RABGAP1: variants seen among roughly 807,000 people sequenced by gnomAD.
The protein encoded by RABGAP1 is rab GTPase-activating protein 1.
In RABGAP1, 23 loss-of-function variants were observed where a neutral mutation model predicts 137.6. That is an observed-to-expected ratio of 0.17 (90% CI 0.12 to 0.24). The LOEUF (loss-of-function observed/expected upper bound fraction) is 0.24, where lower values mean the gene tolerates loss of function less well. RABGAP1 is among the 10% of genes least tolerant of loss of function. The probability of loss-of-function intolerance (pLI) is 1.00; values close to 1 mark genes in which losing one functional copy is unlikely to be tolerated. For synonymous variants in RABGAP1, 451 were observed against 450.7 expected (o/e 1.00, Z -0.01); for missense variants, 906 against 1,275.8 (o/e 0.71, Z 4.42).
chr9:122,982,779 T>G (rs1372351477), intron 2 of RABGAP1, among the ~76,000 whole-genome samples: 2 of 152,162 alleles, frequency 1.3e-5, no homozygotes, highest in Admixed American at 1.3e-4. Flanking sequence ...GCACTGCCTG[T>G]AGTCACAGTT....
chr9:122,971,175 A>G (rs1027045991), intron 2 of RABGAP1, among the ~76,000 whole-genome samples: 3 of 152,346 alleles, frequency 2.0e-5, no homozygotes, highest in East Asian at 3.9e-4. Context: ...TGTACTTCAC[A>G]GGAAAGAACA....
At chr9:122,998,570 C>T in intron 9 of RABGAP1, 27 bp from the exon 10 acceptor site, 4 of 1,476,146 alleles carry the variant, frequency 2.7e-6, no homozygotes, top group Non-Finnish European at 2.8e-6. Context: ...TGATTTACCT[C>T]TTCAGCCTCT....
At position 123,076,334 on chromosome 9, in the gene RABGAP1, A is replaced by T. The variant is rs201014018; in HGVS notation, c.2295+48A>T. 9.4e-5 allele frequency: 147 copies of T among 1,556,662 alleles called. No individual in the cohort carries two copies. In the African/African-American group the frequency reaches 1.8e-3, roughly 19 times the overall value. ...AGTTATCTGTCATTCCCTGCTCTGC[A>T]CTTGCAATACATTGGTTGTAGTCTC... On this transcript the variant is annotated intron_variant, in intron 18 of 25. Transcript: ENST00000373647.
At chr9:122,933,449 T>TATTATTATTATTATC in the RABGAP1 span, among the ~76,000 whole-genome samples, 2 of 149,314 alleles carry the variant, frequency 1.3e-5, no homozygotes, top group African/African-American at 4.9e-5. Flanking sequence ...AAATTATTAT[T>TATTATTATTATTATC]ATTATTATTA....
At chr9:122,943,343 A>T (rs1482111070) in intron 1 of RABGAP1, among the ~76,000 whole-genome samples, 1 of 152,134 alleles carries the variant, frequency 6.6e-6, no homozygotes, top group African/African-American at 2.4e-5. Context: ...TGCAGGGATT[A>T]CAGGCGTGAG....
At chr9:123,020,223 CATTTAAATTGACTTTGATA>C in intron 12 of RABGAP1, 67 bp from the exon 13 acceptor site, 1 of 1,198,674 alleles carries the variant, frequency 8.3e-7, no homozygotes, top group Non-Finnish European at 1.1e-6. Flanking sequence ...ATTTGTAAGC[CATTTAAATTGACTTTGATA>C]AAAGTAACAT....
At position 123,085,613 on chromosome 9, in the gene RABGAP1, C is replaced by T. The variant is rs117112862; in HGVS notation, c.2425-4145C>T. Among the ~76,000 whole-genome samples, 280 of 152,300 alleles carry T rather than the reference C, an allele frequency of 1.8e-3. 8 individuals carry two copies. In the East Asian group the frequency reaches 0.051, roughly 28 times the overall value. ...CCTTCTGATAGGAATCAGTGAACAG[C>T]GGGTATGATTCAGAGCTCTGAGTCT... On this transcript the variant is annotated intron_variant, in intron 19 of 25. Transcript: ENST00000373647.
chr9:122,987,224 C>T (rs973973083), intron 4 of RABGAP1, among the ~76,000 whole-genome samples: 1 of 152,146 alleles, frequency 6.6e-6, no homozygotes, highest in Non-Finnish European at 1.5e-5. Context: ...ATAACAATTG[C>T]AGATAGCTAA....
chr9:122,990,788 AAAAAAAAAATATATATATATATATAT>A (rs1836652725), intron 6 of RABGAP1: 1 of 73,932 alleles, frequency 1.4e-5, no homozygotes. Context: ...AAAAAAAAAA[AAAAAAAAAATATATATATATATATAT>A]ATATATATAT....
chr9:123,096,783 G>C (rs1404376851), intron 21 of RABGAP1, among the ~76,000 whole-genome samples: 1 of 152,150 alleles, frequency 6.6e-6, no homozygotes, highest in African/African-American at 2.4e-5. Flanking sequence ...TGTTGGCCAG[G>C]CTGTTCTCAA....
intron 2 of RABGAP1, among the ~76,000 whole-genome samples, chr9:122,964,005 C>A (rs1834993513): frequency 6.6e-6 from 1 of 152,102 alleles, no homozygotes; most frequent in Non-Finnish European, 1.5e-5. Flanking sequence ...GGACAAATTT[C>A]TAGAGCGACA....
At position 123,039,027 on chromosome 9, in the gene RABGAP1, G is replaced by A. The variant is rs941957378; in HGVS notation, c.1794+18568G>A. ...CTCATAGGGTTAGTTTGGGGCTTGCGTTAGATAATAGATGTGAAAGTACTT... is the reference window on the plus strand; with the variant it reads ...CTCATAGGGTTAGTTTGGGGCTTGCATTAGATAATAGATGTGAAAGTACTT... On this transcript the variant is annotated intron_variant, in intron 13 of 25. Transcript: ENST00000373647. Among the ~76,000 whole-genome samples, 5 of 152,220 alleles carry A rather than the reference G, an allele frequency of 3.3e-5. 1 individual carries two copies. Among genetic ancestry groups the A allele is most frequent in the South Asian group, 4.1e-4 (2 of 4,826 alleles).
chr9:122,992,113 C>T (rs551901812), intron 6 of RABGAP1, among the ~76,000 whole-genome samples: 44 of 151,928 alleles, frequency 2.9e-4, no homozygotes, highest in African/African-American at 7.7e-4. Flanking sequence ...CACGGTTCAC[C>T]GCAACCTCTG....
At chr9:123,016,962 A>G (rs1300439641) in intron 12 of RABGAP1, among the ~76,000 whole-genome samples, 1 of 152,222 alleles carries the variant, frequency 6.6e-6, no homozygotes, top group Non-Finnish European at 1.5e-5. Context: ...TGTACAGGAG[A>G]AAAAAGCAAA....
At chr9:122,943,256 A>G (rs6478584) in intron 1 of RABGAP1, among the ~76,000 whole-genome samples, 1 of 151,494 alleles carries the variant, frequency 6.6e-6, no homozygotes, top group Non-Finnish European at 1.5e-5. Flanking sequence ...TTTACTAGAG[A>G]CGGGGTTTCA....
At chr9:123,095,227 A>G (rs1294988237) in intron 21 of RABGAP1, among the ~76,000 whole-genome samples, 15 of 13,998 alleles carry the variant, frequency 1.1e-3, no homozygotes, top group Non-Finnish European at 2.5e-3. Flanking sequence ...ACCTTGTCCC[A>G]AAAAAAAAAA....
intron 1 of RABGAP1, among the ~76,000 whole-genome samples, chr9:122,956,507 G>A (rs1009329039): frequency 1.6e-4 from 24 of 152,026 alleles, no homozygotes; most frequent in Admixed American, 6.5e-5. Context: ...AAAATTAGCC[G>A]GGCGTGGTGG....
chr9:123,078,182 T>C (rs1285979634), intron 19 of RABGAP1, among the ~76,000 whole-genome samples: 2 of 151,168 alleles, frequency 1.3e-5, no homozygotes, highest in African/African-American at 4.9e-5. Flanking sequence ...AAAGGAGGAA[T>C]ACAAAAACTA....
intron 13 of RABGAP1, among the ~76,000 whole-genome samples, chr9:123,059,827 A>G (rs2033898406): frequency 6.6e-6 from 1 of 152,208 alleles, no homozygotes; most frequent in Non-Finnish European, 1.5e-5. Flanking sequence ...CCCAGACTGT[A>G]AAAACAATTC....
Sources: allele counts gnomAD v4.1 joint callset (sites outside exome capture counted in the v4.1 genomes callset), GRCh38; gene constraint gnomAD v4.1.1; transcripts MANE v1.5; gene names NCBI Gene and HGNC (gene_info 2026-07-23, HGNC 2026-07-21).